The following CD8A variants were observed in gnomAD, a reference collection of about 807,000 sequenced individuals.
The protein encoded by CD8A is T-cell surface glycoprotein CD8 alpha chain.
A neutral mutation model predicts 24.2 loss-of-function variants in CD8A; 25 were observed. That is an observed-to-expected ratio of 1.03 (90% CI 0.75 to 1.44). The LOEUF (loss-of-function observed/expected upper bound fraction) is 1.44. Ranked by LOEUF, CD8A falls within the 40% of genes most tolerant of loss-of-function variation. The pLI is 0.00. For synonymous variants in CD8A, 165 were observed against 149.9 expected, an observed-to-expected ratio of 1.10 and a Z score of -0.74; for missense variants, 360 against 319.7, an observed-to-expected ratio of 1.13 and a Z score of -0.96.
intron 3 of CD8A, among the ~76,000 whole-genome samples, chr2:86,798,498 C>T (rs537397854): frequency 6.6e-6 from 1 of 151,770 alleles, no homozygotes; most frequent in African/African-American, 2.4e-5. Context: ...TCTTATGCTT[C>T]CCGTTTGCAT....
chr2:86,790,919 C>G (rs1377424753), upstream of CD8A: 1 of 1,218,434 alleles, frequency 8.2e-7, no homozygotes, highest in Non-Finnish European at 1.2e-6. Flanking sequence ...AAGTTGCGCC[C>G]TTCGGCCGGC....
intron 4 of CD8A, 22 bp downstream of exon 4, chr2:86,789,301 G>C: frequency 4.7e-6 from 7 of 1,495,936 alleles, no homozygotes; most frequent in Non-Finnish European, 6.5e-6. Flanking sequence ...ACTCCTTCCC[G>C]CCGCGATTCC....
At chr2:86,792,658 C>A (rs75834368), upstream of CD8A, among the ~76,000 whole-genome samples, 3,526 of 152,090 alleles carry the variant, frequency 0.023, 124 homozygotes, top group East Asian at 0.12. Context: ...CCATGCCCAG[C>A]TAATTTTTTG....
At chr2:86,806,979 T>TG (rs1187306129) in intron 2 of CD8A, among the ~76,000 whole-genome samples, 2 of 151,966 alleles carry the variant, frequency 1.3e-5, no homozygotes, top group Non-Finnish European at 2.9e-5. Context: ...CTTTTTAAGA[T>TG]GCAGTTTATT....
At chr2:86,791,061 G>A (rs1358386253), upstream of CD8A, 13 of 700,890 alleles carry the variant, frequency 1.9e-5, no homozygotes, top group Non-Finnish European at 3.4e-5. Context: ...GGGCCGTCGA[G>A]GCAGCCTGGC....
intron 2 of CD8A, among the ~76,000 whole-genome samples, chr2:86,805,693 A>G (rs1165595531): frequency 6.6e-6 from 1 of 152,166 alleles, no homozygotes; most frequent in Non-Finnish European, 1.5e-5. Context: ...TCTGCCTTCC[A>G]TAACTCACAT....
intron 1 of CD8A, chr2:86,807,850 GC>G (rs962803107): frequency 1.3e-5 from 2 of 155,652 alleles, no homozygotes; most frequent in Non-Finnish European, 2.8e-5. Context: ...CGGGGGGCTA[GC>G]CCAGGCTGAA....
upstream of CD8A, among the ~76,000 whole-genome samples, chr2:86,792,753 T>C (rs1404311855): frequency 2.6e-5 from 4 of 151,812 alleles, no homozygotes; most frequent in African/African-American, 9.7e-5. Flanking sequence ...CGCCTTGGCC[T>C]CCAAAGTGTT....
rs934042284 is a variant in CD8A, at chr2:86,790,558, A to T, written c.173T>A (p.Phe58Tyr). 28 of 1,613,066 alleles carry T rather than the reference A, an allele frequency of 1.7e-5. No individual in the cohort carries two copies. Among genetic ancestry groups the T allele is most frequent in the Non-Finnish European group, 2.3e-5 (27 of 1,179,938 alleles). The change falls in exon 2 of 6, where the codon TTC (phenylalanine) becomes TAC (tyrosine). Residue 58 changes from phenylalanine (F) to tyrosine (Y), a missense_variant. Physicochemically the swap from Phe to Tyr is conservative, Grantham distance 22. Transcript: ENST00000283635. Reference protein sequence around the residue: ...SNPTSGCSWLFQPRGAAASPT... With the variant: ...SNPTSGCSWLYQPRGAAASPT... Reference sequence around the variant, plus strand: ...ACTGGCGGCGGCGCCGCGCGGCTGGAAGAGCCACGAGCAGCCCGACGTCGG... The same window carrying T: ...ACTGGCGGCGGCGCCGCGCGGCTGGTAGAGCCACGAGCAGCCCGACGTCGG...
intron 1 of CD8A, 33 bp from the exon 2 acceptor site, chr2:86,790,714 A>C: frequency 1.3e-6 from 2 of 1,551,668 alleles, no homozygotes; most frequent in African/African-American, 1.4e-5. Flanking sequence ...CTGAGCCCGC[A>C]GTCCCGCGCC....
chr2:86,799,164 C>T lies in CD8A; in HGVS notation c.-271+2347G>A, dbSNP rs1673579554. ...TTTTAAGGAAATTGTTTTCCAGATT[C>T]TCAACTCCCATTGGTTCTCTTCTCA... On this transcript the variant is annotated intron_variant, in intron 3 of 8. Transcript: ENST00000409511. Among the ~76,000 whole-genome samples the T allele has an allele frequency of 2.0e-5, 3 of 152,312 alleles. No homozygotes were observed. In the South Asian group the frequency reaches 6.2e-4, roughly 32 times the overall value.
At position 86,790,664 on chromosome 2, in the gene CD8A, G is replaced by T. The variant is rs146997954; in HGVS notation, c.67C>A (p.Gln23Lys). 1.9e-6 allele frequency: 3 copies of T among 1,598,378 alleles called. No individual in the cohort carries two copies. The African/African-American group carries it at 4.0e-5, about 21-fold the overall frequency. Residue 23 changes from glutamine to lysine, a missense_variant, in exon 2 of 6, where the codon CAG becomes AAG. By Grantham distance (53) the Gln-to-Lys change is moderately conservative. Coordinates refer to ENST00000283635, the MANE Select transcript of CD8A (RefSeq NM_001768.7). ...ALLLHAARPS[Q>K]FRVSPLDRTW... ...CGATCCAGCGGCGACACCCGGAACT[G>T]GCTCGGCCTGGCGGCGTCTGCAGGC...
chr2:86,789,755 A>G lies in CD8A; in HGVS notation c.404-5T>C. 7.4e-7 allele frequency: 1 copy of G among 1,353,266 alleles called. No individual in the cohort carries two copies. The highest frequency in any genetic ancestry group is 9.4e-7 in the Non-Finnish European group (1 of 1,059,574). 83.8% of individuals were successfully genotyped at this position (1,353,266 alleles called of 1,614,324 possible). On this transcript the variant is annotated splice_polypyrimidine_tract_variant and splice_region_variant and intron_variant, in intron 2 of 5. Transcript: ENST00000283635. ...CTGGCGTCGTGGTGGGCTTCGCTGC[A>G]AGAGCAACAGAGCGTGGTTGGGGGC...
chr2:86,789,375 C>G lies in CD8A; in HGVS notation c.573G>C (p.Gly191=). The G allele has an allele frequency of 6.2e-7, 1 of 1,614,020 alleles. No individual in the cohort carries two copies. Among genetic ancestry groups the G allele is most frequent in the East Asian group, 2.2e-5 (1 of 44,844 alleles). The change falls in exon 4 of 6, where the codon GGG becomes GGC. Residue 191 remains glycine, a synonymous_variant. Coordinates refer to ENST00000283635, the MANE Select transcript of CD8A (RefSeq NM_001768.7). The stretch of plus-strand genomic sequence containing the variant: ...GTGACAGGAGAAGGACCCCACAAGT[C>G]CCGGCCAAGGGCGCCCAGATGTAGA... ...CDIYIWAPLA[G]TCGVLLLSLV...
At chr2:86,805,721 T>C (rs940820743) in intron 2 of CD8A, among the ~76,000 whole-genome samples, 1 of 152,180 alleles carries the variant, frequency 6.6e-6, no homozygotes, top group Non-Finnish European at 1.5e-5. Flanking sequence ...AATACGAATT[T>C]TTTTGATGCT....
At chr2:86,788,623 G>C (rs1673123582) in intron 4 of CD8A, 63 bp from the exon 5 acceptor site, 28 of 1,477,834 alleles carry the variant, frequency 1.9e-5, no homozygotes, top group Non-Finnish European at 2.6e-5. Context: ...CCCAAAGACA[G>C]TGTATTTTTT....
upstream of CD8A, among the ~76,000 whole-genome samples, chr2:86,794,755 C>T (rs1198736864): frequency 1.3e-5 from 2 of 152,222 alleles, no homozygotes; most frequent in Admixed American, 6.5e-5. Context: ...AGTAGAATGT[C>T]GGGGATCCCT....
At position 86,790,663 on chromosome 2, in the gene CD8A, T is replaced by C; in HGVS notation, c.68A>G (p.Gln23Arg). ...ALLLHAARPS[Q>R]FRVSPLDRTW... The stretch of plus-strand genomic sequence containing the variant: ...CCGATCCAGCGGCGACACCCGGAAC[T>C]GGCTCGGCCTGGCGGCGTCTGCAGG... The change falls in exon 2 of 6, where the codon CAG becomes CGG. Residue 23 changes from glutamine (Q) to arginine (R), a missense_variant. Coordinates refer to ENST00000283635, the MANE Select transcript of CD8A (RefSeq NM_001768.7). The C allele has an allele frequency of 6.3e-7, 1 of 1,598,328 alleles. No homozygotes were observed. Among genetic ancestry groups the C allele is most frequent in the Non-Finnish European group, 8.5e-7 (1 of 1,178,668 alleles).
Position 86,785,541 on chromosome 2 carries a change from T to A in CD8A, c.*379A>T, listed in dbSNP as rs1672961806. 1 of 479,192 alleles carries A rather than the reference T, an allele frequency of 2.1e-6. No homozygotes were observed. The highest frequency in any genetic ancestry group is 2.3e-5 in the Admixed American group (1 of 43,256). The allele number at this position is 479,192 out of a possible 1,614,324, so 29.7% of individuals were successfully genotyped here. A position where few individuals can be genotyped will look rare whatever the true frequency, so the allele number is the denominator to read the frequency against. On this transcript the variant is annotated 3_prime_UTR_variant, in exon 6 of 6. Transcript: ENST00000283635. ...CCAACCCTGACTTGCTGTGTGCCTT[T>A]GATCAAGCTGTCTCTGGGCTTTAGC...
Sources: gnomAD v4.1 joint callset for allele counts (sites outside exome capture counted in the v4.1 genomes callset) on GRCh38, gnomAD v4.1.1 for gene constraint, MANE v1.5 for transcripts, NCBI Gene and HGNC (gene_info 2026-07-23, HGNC 2026-07-21) for gene names.